Variants in PIEZO2 observed in about 807,000 individuals in gnomAD.
PIEZO2 encodes the protein piezo type mechanosensitive ion channel component 2.
PIEZO2 carries 172 observed loss-of-function variants against 337.3 expected under a neutral mutation model. The ratio of observed to expected loss-of-function variants is 0.51; its 90% confidence interval spans 0.45 to 0.58. The LOEUF (loss-of-function observed/expected upper bound fraction) is 0.58, where lower values mean the gene tolerates loss of function less well. Ranked by LOEUF, PIEZO2 falls within the 20% of genes least tolerant of loss-of-function variation. The pLI is 0.00. For synonymous variants in PIEZO2, 1,251 were observed against 1,228.5 expected, an observed-to-expected ratio of 1.02 and a Z score of -0.38; for missense variants, 3,028 against 3,391.3, an observed-to-expected ratio of 0.89 and a Z score of 2.66.
intron 40 of PIEZO2, 89 bp from the exon 41 acceptor site, chr18:10,705,835 C>T (rs1217883011): frequency 2.6e-5 from 36 of 1,398,382 alleles, no homozygotes; most frequent in Non-Finnish European, 3.2e-5. Flanking sequence ...CTCATCAGAA[C>T]TCCTAAGGAA....
rs754219767 is a variant in PIEZO2, at chr18:11,128,932, T to G, written c.64+19593A>C. ...TTGGATCAGCCTGAATTTATTGATT[T>G]GGGTCCACTAAGTAAGGACTCAGTG... On this transcript the variant is annotated intron_variant, in intron 1 of 55. Coordinates refer to ENST00000674853, the MANE Select transcript of PIEZO2 (RefSeq NM_001378183.1). The surrounding 1 kb of genome is among the most constrained non-coding windows in gnomAD (Gnocchi z 4.1). Among the ~76,000 whole-genome samples, 1 of 152,184 alleles carries G rather than the reference T, an allele frequency of 6.6e-6. No homozygotes were observed. The highest frequency in any genetic ancestry group is 1.5e-5 in the Non-Finnish European group (1 of 68,026).
In PIEZO2 at chr18:10,675,277, T is replaced by G; in HGVS notation, c.8093A>C (p.Lys2698Thr). ...TGCTTTCACATAATATGGATAAATC[T>G]TTTCTATGGTCCTGTACATTAAGAA... ...ESSKTPVTIE[K>T]IYPYYVKAPS... The change falls in exon 54 of 56, where the codon AAG (lysine) becomes ACG (threonine). Residue 2698 changes from lysine (K) to threonine (T), a missense_variant. By Grantham distance (78) the Lys-to-Thr change is moderately conservative. Around this residue, in one of 5 missense-constraint regions of PIEZO2, gnomAD observed 332 missense variants for 363.8 expected, o/e 0.91. Coordinates refer to ENST00000674853, the MANE Select transcript of PIEZO2 (RefSeq NM_001378183.1). 6.5e-7 allele frequency: 1 copy of G among 1,532,790 alleles called. No homozygotes were observed. Among genetic ancestry groups the G allele is most frequent in the Non-Finnish European group, 8.8e-7 (1 of 1,130,568 alleles). The allele number at this position is 1,532,790 out of a possible 1,614,324, so 94.9% of individuals were successfully genotyped here.
chr18:10,871,385 G>T lies in PIEZO2; in HGVS notation c.360C>A (p.Ile120=). ...TCCCGATGTCAGGTACAAACACTCT[G>T]ATCCCATTGCCAGCATCAGCTCCCT... is the stretch of plus-strand genomic sequence containing the variant. The part of the protein sequence containing the change: ...SLKGADAGNG[I]RVFVPDIGMF... The change falls in exon 5 of 56, where the codon ATC becomes ATA. Residue 120 remains isoleucine, a synonymous_variant. Transcript: ENST00000674853. The T allele has an allele frequency of 6.5e-7, 1 of 1,537,240 alleles. No individual in the cohort carries two copies. The highest frequency in any genetic ancestry group is 8.7e-7 in the Non-Finnish European group (1 of 1,146,844).
In PIEZO2 at chr18:11,092,828, A is replaced by G. The variant is rs1261926825; in HGVS notation, c.65-26606T>C. Among the ~76,000 whole-genome samples the G allele has an allele frequency of 6.6e-6, 1 of 152,196 alleles. No homozygotes were observed. On this transcript the variant is annotated intron_variant, in intron 1 of 55. Coordinates refer to ENST00000674853, the MANE Select transcript of PIEZO2 (RefSeq NM_001378183.1). The surrounding 1 kb of genome is among the most constrained non-coding windows in gnomAD (Gnocchi z 4.5). ...CCTTCTGTGGCCCCCTCATCCCTTCACAGGGCCACATATCTGTCCAGGGAG... is the reference window on the plus strand; with the variant it reads ...CCTTCTGTGGCCCCCTCATCCCTTCGCAGGGCCACATATCTGTCCAGGGAG...
At chr18:11,054,899 C>A (rs116134129) in intron 2 of PIEZO2, among the ~76,000 whole-genome samples, 455 of 152,246 alleles carry the variant, frequency 3.0e-3, no homozygotes, top group African/African-American at 0.01. Context: ...GGCAGAAGCA[C>A]TGGGGACTGC....
At chr18:11,063,311 T>G (rs2038037737) in intron 2 of PIEZO2, among the ~76,000 whole-genome samples, 1 of 149,382 alleles carries the variant, frequency 6.7e-6, no homozygotes, top group Non-Finnish European at 1.5e-5. Context: ...GGGATAGCAT[T>G]AGGAGATATA....
chr18:10,831,113 C>T lies in PIEZO2; in HGVS notation c.918-23839G>A, dbSNP rs367547114. ...AGCACAACCCCTATGGAAAACAGTA[C>T]GGAGGTTCCTCAAAAAAACTAAAAA... On this transcript the variant is annotated intron_variant, in intron 7 of 55. Coordinates refer to ENST00000674853, the MANE Select transcript of PIEZO2 (RefSeq NM_001378183.1). Among the ~76,000 whole-genome samples, 16 of 152,200 alleles carry T rather than the reference C, an allele frequency of 1.1e-4. No individual in the cohort carries two copies. The South Asian group carries it at 2.3e-3, about 22-fold the overall frequency.
chr18:11,043,453 C>A lies in PIEZO2; in HGVS notation c.160+22674G>T, dbSNP rs117075742. Reference sequence around the variant, plus strand: ...TCTGAAATTCAAACAATTTATCTGGCAATCATAACTACAACACAAACACAT... The same window carrying A: ...TCTGAAATTCAAACAATTTATCTGGAAATCATAACTACAACACAAACACAT... On this transcript the variant is annotated intron_variant, in intron 2 of 55. Transcript: ENST00000674853. Among the ~76,000 whole-genome samples, 1,220 of 152,226 alleles carry A rather than the reference C, an allele frequency of 8.0e-3. 8 individuals are homozygous for A. Among genetic ancestry groups the A allele is most frequent in the Non-Finnish European group, 0.013 (853 of 68,020 alleles).
chr18:10,732,530 G>A (rs1285408205), intron 35 of PIEZO2, among the ~76,000 whole-genome samples: 1 of 152,174 alleles, frequency 6.6e-6, no homozygotes, highest in East Asian at 1.9e-4. Context: ...TATGGAAATG[G>A]AAGGGTCATA....
rs1009883518 is a variant in PIEZO2 at position 10,847,158 on chromosome 18, A to T, written c.917+8195T>A. On this transcript the variant is annotated intron_variant, in intron 7 of 55. Transcript: ENST00000674853. This position sits in a 1 kb window ranked among gnomAD's most constrained non-coding sequence, Gnocchi z 5.7. ...GGAATGAGCTGTTGAGCATTAGCAG[A>T]ATCCTCTTAGTGTGGTATTATTAAA... Among the ~76,000 whole-genome samples the T allele has an allele frequency of 6.6e-6, 1 of 152,204 alleles. No individual in the cohort carries two copies. The highest frequency in any genetic ancestry group is 2.4e-5 in the African/African-American group (1 of 41,456).
chr18:10,791,445 G>T lies in PIEZO2; in HGVS notation c.1759-121C>A, dbSNP rs909435660. 3 of 1,140,382 alleles carry T rather than the reference G, an allele frequency of 2.6e-6. No individual in the cohort carries two copies. In the African/African-American group the frequency reaches 4.8e-5, roughly 18 times the overall value. The allele number at this position is 1,140,382 out of a possible 1,614,324, so 70.6% of individuals were successfully genotyped here. On this transcript the variant is annotated intron_variant, in intron 13 of 55. Transcript: ENST00000674853. ...GCACAATAAATAAACCTTTTTATTGGAGACAGAGTCAGGTCACCTGCTTGA... is the reference window on the plus strand; with the variant it reads ...GCACAATAAATAAACCTTTTTATTGTAGACAGAGTCAGGTCACCTGCTTGA...
chr18:10,699,638 C>G (rs961233077), intron 43 of PIEZO2, among the ~76,000 whole-genome samples: 1 of 152,104 alleles, frequency 6.6e-6, no homozygotes, highest in African/African-American at 2.4e-5. Flanking sequence ...TGAAAACGGA[C>G]TAATACACAA....
At chr18:10,946,782 A>G (rs2033046035) in intron 3 of PIEZO2, among the ~76,000 whole-genome samples, 1 of 152,220 alleles carries the variant, frequency 6.6e-6, no homozygotes, top group Admixed American at 6.5e-5. Context: ...CTCATAATAC[A>G]ATATCCAAAA....
At chr18:10,885,630 C>T (rs1040532853) in intron 4 of PIEZO2, among the ~76,000 whole-genome samples, 2 of 152,084 alleles carry the variant, frequency 1.3e-5, no homozygotes, top group South Asian at 2.1e-4. Context: ...AAAGGTACCA[C>T]GGTCAGGGTC....
At chr18:11,044,656 C>T (rs2037238280) in intron 2 of PIEZO2, among the ~76,000 whole-genome samples, 1 of 152,340 alleles carries the variant, frequency 6.6e-6, no homozygotes, top group East Asian at 1.9e-4. Flanking sequence ...CTAACCCTCA[C>T]ATTCTACTGT....
chr18:10,977,632 C>A (rs535236946), intron 3 of PIEZO2, among the ~76,000 whole-genome samples: 1 of 152,218 alleles, frequency 6.6e-6, no homozygotes, highest in Non-Finnish European at 1.5e-5. Context: ...CCAAAGTACC[C>A]TTATTTAAAC....
rs900212955 is a variant in PIEZO2 at position 10,837,745 on chromosome 18, A to AT, written c.917+17607dup. 1.3e-3 allele frequency among the ~76,000 whole-genome samples: 189 copies of AT among 150,314 alleles called. No individual in the cohort carries two copies. Among genetic ancestry groups the AT allele is most frequent in the African/African-American group, 3.8e-3 (154 of 40,624 alleles). On this transcript the variant is annotated intron_variant, in intron 7 of 55. Transcript: ENST00000674853. This position sits in a 1 kb window ranked among gnomAD's most constrained non-coding sequence, Gnocchi z 4.4. ...CCCAACCATTTTATAAAATTTCCTC[A>AT]TTTTTTTTTGTTGTTGTTGTTGTTG...
chr18:10,712,241 C>G (rs2035849547), intron 39 of PIEZO2, among the ~76,000 whole-genome samples: 1 of 152,358 alleles, frequency 6.6e-6, no homozygotes, highest in East Asian at 1.9e-4. Context: ...CCCTGCTGCA[C>G]AAACCTGCAG....
intron 2 of PIEZO2, among the ~76,000 whole-genome samples, chr18:11,023,069 C>T (rs1336363316): frequency 6.6e-6 from 1 of 152,090 alleles, no homozygotes; most frequent in Non-Finnish European, 1.5e-5. Flanking sequence ...AGACCCTTCG[C>T]CGTGAGTGTT....
Sources: allele counts gnomAD v4.1 joint callset (sites outside exome capture counted in the v4.1 genomes callset), GRCh38; gene constraint gnomAD v4.1.1; regional missense constraint gnomAD v4.1.1; non-coding constraint Gnocchi (gnomAD v3.1); transcripts MANE v1.5; gene names NCBI Gene and HGNC (gene_info 2026-07-23, HGNC 2026-07-21).